Variants in XKR4 observed in about 807,000 individuals in gnomAD.
XKR4 encodes the protein XK-related protein 4.
A neutral mutation model predicts 53.9 loss-of-function variants in XKR4; 12 were observed. That is an observed-to-expected ratio of 0.22 (90% CI 0.14 to 0.36). XKR4 has a LOEUF of 0.36. XKR4 is among the 10% of genes least tolerant of loss of function. The pLI is 1.00. For missense variants in XKR4, 799 were observed against 859.5 expected (o/e 0.93, Z 0.88); for synonymous variants, 354 against 362.4 (o/e 0.98, Z 0.26).
chr8:55,408,686 T>C (rs746333427), intron 2 of XKR4, among the ~76,000 whole-genome samples: 97 of 152,086 alleles, frequency 6.4e-4, no homozygotes, highest in Non-Finnish European at 1.1e-3. Flanking sequence ...TTGTAGGCTA[T>C]TGGAAGGTAG....
At chr8:55,103,455 A>AT (rs1430973313) in intron 1 of XKR4, among the ~76,000 whole-genome samples, 161 bp downstream of exon 1, 3 of 152,050 alleles carry the variant, frequency 2.0e-5, no homozygotes, top group Non-Finnish European at 4.4e-5. Flanking sequence ...CATTTTTAAA[A>AT]TTTGCAATCT....
At chr8:55,451,581 C>A in intron 2 of XKR4, 1 of 1,268,448 alleles carries the variant, frequency 7.9e-7, no homozygotes, top group Admixed American at 2.1e-5. Context: ...CCTTGGACCG[C>A]CGGATGCGCC....
At chr8:55,462,562 T>C (rs1366980458) in intron 2 of XKR4, among the ~76,000 whole-genome samples, 1 of 152,120 alleles carries the variant, frequency 6.6e-6, no homozygotes, top group Non-Finnish European at 1.5e-5. Flanking sequence ...AGAAACTGCA[T>C]CAACTAACGA....
At chr8:55,271,058 C>T (rs1484770380) in intron 1 of XKR4, among the ~76,000 whole-genome samples, 1 of 152,146 alleles carries the variant, frequency 6.6e-6, no homozygotes, top group South Asian at 2.1e-4. Context: ...TGTTGGTGGA[C>T]AGTTGCCATC....
Position 55,523,951 on chromosome 8 carries a change from C to T in XKR4, c.1677C>T (p.Arg559=), listed in dbSNP as rs140880948. ...ISNNRSVVSD[R]DQKFAERDGC... ...ACAACCGCAGTGTTGTCAGCGACCGCGATCAGAAATTCGCAGAGCGGGATG... is the reference window on the plus strand; with the variant it reads ...ACAACCGCAGTGTTGTCAGCGACCGTGATCAGAAATTCGCAGAGCGGGATG... Residue 559 remains arginine, a synonymous_variant, in exon 3 of 3, where the codon CGC becomes CGT. Coordinates refer to ENST00000327381, the MANE Select transcript of XKR4 (RefSeq NM_052898.2). 2 of 1,614,182 alleles carry T rather than the reference C, an allele frequency of 1.2e-6. No individual in the cohort carries two copies. Among genetic ancestry groups the T allele is most frequent in the South Asian group, 1.1e-5 (1 of 91,078 alleles).
chr8:55,481,823 A>T (rs1806112943), intron 2 of XKR4, among the ~76,000 whole-genome samples: 1 of 152,166 alleles, frequency 6.6e-6, no homozygotes, highest in African/African-American at 2.4e-5. Flanking sequence ...CATCAGAGAA[A>T]TTCAAATCAA....
At chr8:55,443,056 T>A (rs1002298363) in intron 2 of XKR4, among the ~76,000 whole-genome samples, 1 of 152,218 alleles carries the variant, frequency 6.6e-6, no homozygotes, top group Non-Finnish European at 1.5e-5. Flanking sequence ...CATTTGGTTT[T>A]ACAAGTGAAT....
intron 2 of XKR4, among the ~76,000 whole-genome samples, chr8:55,403,977 G>A (rs867392398): frequency 3.3e-5 from 5 of 152,154 alleles, no homozygotes; most frequent in African/African-American, 7.2e-5. Context: ...TGCATCACTC[G>A]CTCTTCTCAG....
chr8:55,139,512 C>CAAAAAAAAAAAAAAAAAAAAA (rs5891559), intron 1 of XKR4, among the ~76,000 whole-genome samples: 2 of 114,488 alleles, frequency 1.7e-5, no homozygotes, highest in Non-Finnish European at 1.7e-5. Context: ...GACTCCGTCT[C>CAAAAAAAAAAAAAAAAAAAAA]AAAAAAAAAA....
At chr8:55,429,338 G>A (rs113726854) in intron 2 of XKR4, among the ~76,000 whole-genome samples, 311 of 152,202 alleles carry the variant, frequency 2.0e-3, no homozygotes, top group Non-Finnish European at 4.0e-3. Flanking sequence ...AGATAATACT[G>A]ATGAAAACCT....
chr8:55,346,685 A>ATGTGTGTGTGTG (rs10685965), intron 1 of XKR4, among the ~76,000 whole-genome samples: 7,250 of 138,344 alleles, frequency 0.052, 231 homozygotes, highest in Middle Eastern at 0.12. Flanking sequence ...TGTTGAGGTT[A>ATGTGTGTGTGTG]TGTGTGTGTG....
chr8:55,176,405 C>T (rs1817235598), intron 1 of XKR4, among the ~76,000 whole-genome samples: 1 of 152,188 alleles, frequency 6.6e-6, no homozygotes, highest in Non-Finnish European at 1.5e-5. Context: ...GAGTGCTCCA[C>T]TCCATTGTGC....
At chr8:55,336,669 A>G (rs1301628236) in intron 1 of XKR4, among the ~76,000 whole-genome samples, 1 of 152,190 alleles carries the variant, frequency 6.6e-6, no homozygotes, top group Non-Finnish European at 1.5e-5. Flanking sequence ...GACAACTAAA[A>G]TAATGCATAT....
At chr8:55,365,707 C>CAAAA (rs397932881) in intron 2 of XKR4, among the ~76,000 whole-genome samples, 11 of 76,146 alleles carry the variant, frequency 1.4e-4, no homozygotes, top group African/African-American at 3.7e-4. Context: ...AACTTCGTCT[C>CAAAA]AAAAAAAAAA....
chr8:55,120,369 G>A (rs765036518), intron 1 of XKR4, among the ~76,000 whole-genome samples: 2 of 152,010 alleles, frequency 1.3e-5, no homozygotes, highest in African/African-American at 4.8e-5. Flanking sequence ...TTTTATAGGC[G>A]GGTGAACTCC....
chr8:55,338,723 C>T (rs762600052), intron 1 of XKR4, among the ~76,000 whole-genome samples: 7 of 152,106 alleles, frequency 4.6e-5, no homozygotes, highest in South Asian at 2.1e-4. Flanking sequence ...TAAAGAGAAC[C>T]GAGAGGACAC....
chr8:55,175,000 G>A (rs556892235), intron 1 of XKR4, among the ~76,000 whole-genome samples: 1 of 152,328 alleles, frequency 6.6e-6, no homozygotes, highest in African/African-American at 2.4e-5. Context: ...ACCACTGAAA[G>A]AAAGGAATTC....
At chr8:55,252,938 C>T (rs531251051) in intron 1 of XKR4, among the ~76,000 whole-genome samples, 4 of 152,100 alleles carry the variant, frequency 2.6e-5, no homozygotes, top group Non-Finnish European at 5.9e-5. Context: ...TTGCCTTCAG[C>T]TTGTCCTGCC....
intron 1 of XKR4, among the ~76,000 whole-genome samples, chr8:55,293,516 C>T (rs1819060921): frequency 1.3e-5 from 2 of 152,012 alleles, no homozygotes; most frequent in South Asian, 4.2e-4. Flanking sequence ...TTCTAAATGA[C>T]ATCACATACA....
Sources: allele counts gnomAD v4.1 joint callset (sites outside exome capture counted in the v4.1 genomes callset), GRCh38; gene constraint gnomAD v4.1.1; transcripts MANE v1.5; gene names NCBI Gene and HGNC (gene_info 2026-07-23, HGNC 2026-07-21).